NDUFB5: variants seen among roughly 807,000 people sequenced by gnomAD.
NDUFB5 encodes NADH dehydrogenase [ubiquinone] 1 beta subcomplex subunit 5, mitochondrial.
NDUFB5 carries 19 observed loss-of-function variants against 19.4 expected under a neutral mutation model. The ratio of observed to expected loss-of-function variants is 0.98; its 90% CI spans 0.68 to 1.43. The LOEUF is 1.43. NDUFB5 is among the 40% of genes most tolerant of loss of function. The pLI is 0.00. For missense variants in NDUFB5, 233 were observed against 236.5 expected (o/e 0.99, Z 0.10); for synonymous variants, 80 against 82.6 (o/e 0.97, Z 0.17).
chr3:179,612,219 C>T (rs1005831870), intron 1 of NDUFB5, among the ~76,000 whole-genome samples: 7 of 150,906 alleles, frequency 4.6e-5, no homozygotes, highest in Admixed American at 2.0e-4. Context: ...TGTGGTGGTG[C>T]GTGATGTAAT....
chr3:179,611,917 C>G (rs1719252115), intron 1 of NDUFB5, among the ~76,000 whole-genome samples: 1 of 151,920 alleles, frequency 6.6e-6, no homozygotes, highest in Non-Finnish European at 1.5e-5. Flanking sequence ...TTTTTGGTGT[C>G]AGGAGGTTCA....
rs1402479997 is a variant in NDUFB5, at chr3:179,624,076, T to C, written c.*36T>C. On this transcript the variant is annotated 3_prime_UTR_variant, in exon 6 of 6. Transcript: ENST00000259037. Reference sequence around the variant, plus strand: ...CTCCAAATACAAAGTATATTCTCTTTATTGGAAAATAAATTAATAAATATA... The same window carrying C: ...CTCCAAATACAAAGTATATTCTCTTCATTGGAAAATAAATTAATAAATATA... The C allele has an allele frequency of 2.6e-6, 4 of 1,549,936 alleles. No individual in the cohort carries two copies. Among genetic ancestry groups the C allele is most frequent in the East Asian group, 2.3e-5 (1 of 43,940 alleles).
intron 1 of NDUFB5, among the ~76,000 whole-genome samples, chr3:179,605,812 G>C (rs1457336904): frequency 7.4e-6 from 1 of 135,844 alleles, no homozygotes; most frequent in Non-Finnish European, 1.6e-5. Context: ...TTTTTCTTTT[G>C]AGACAGTCTC....
rs1719368314 is a variant in NDUFB5 at position 179,616,046 on chromosome 3, A to C, written c.277A>C (p.Ile93Leu). The change falls in exon 3 of 6, where the codon ATT becomes CTT. Residue 93 changes from isoleucine to leucine, a missense_variant. Coordinates refer to ENST00000259037, the MANE Select transcript of NDUFB5 (RefSeq NM_002492.4). ...AIFITLVNVF[I>L]GQAELAEIPE... is the part of the protein sequence containing the mutation. ...TTTCATAACTCTGGTGAATGTATTC[A>C]TTGGTAAGTCACTTCCATCCCCTGC... 1 of 1,613,180 alleles carries C rather than the reference A, an allele frequency of 6.2e-7. No homozygotes were observed. Among genetic ancestry groups the C allele is most frequent in the East Asian group, 2.2e-5 (1 of 44,850 alleles).
intron 1 of NDUFB5, among the ~76,000 whole-genome samples, chr3:179,612,100 C>T (rs910358562): frequency 1.3e-5 from 2 of 151,938 alleles, no homozygotes; most frequent in African/African-American, 2.4e-5. Flanking sequence ...CAAGCATGCA[C>T]CACCATTCCT....
intron 1 of NDUFB5, among the ~76,000 whole-genome samples, chr3:179,608,214 G>A (rs529367102): frequency 5.9e-4 from 89 of 151,676 alleles, no homozygotes; most frequent in Admixed American, 1.0e-3. Flanking sequence ...TTTTGAAACA[G>A]AGTCTCACTC....
chr3:179,623,942 A>G lies in NDUFB5; in HGVS notation c.472A>G (p.Lys158Glu). 6.2e-7 allele frequency: 1 copy of G among 1,614,040 alleles called. No homozygotes were observed. The highest frequency in any genetic ancestry group is 1.1e-5 in the South Asian group (1 of 91,068). ...ELRVKELEVR[K>E]LMHVRGDGPW... ...CAGGGTAAAGGAGCTGGAAGTGCGA[A>G]AATTGATGCATGTGAGAGGAGATGG... Residue 158 changes from lysine to glutamate, a missense_variant, in exon 6 of 6, where the codon AAA (lysine) becomes GAA (glutamate). Transcript: ENST00000259037.
At chr3:179,608,967 G>T (rs755015726) in intron 1 of NDUFB5, among the ~76,000 whole-genome samples, 1 of 152,156 alleles carries the variant, frequency 6.6e-6, no homozygotes, top group Non-Finnish European at 1.5e-5. Flanking sequence ...CCACTACACC[G>T]AAGCACTTGC....
intron 1 of NDUFB5, chr3:179,607,634 G>A (rs1166626191): frequency 9.5e-6 from 6 of 634,134 alleles, no homozygotes; most frequent in African/African-American, 1.8e-5. Flanking sequence ...CCGTTCAGTG[G>A]TATTAAATAC....
chr3:179,615,320 G>A (rs1234516582), intron 2 of NDUFB5: 12 of 276,422 alleles, frequency 4.3e-5, no homozygotes, highest in South Asian at 2.3e-4. Context: ...AGATTATGGC[G>A]TTTCGAAATA....
At chr3:179,605,119 T>A (rs1200225993) in intron 1 of NDUFB5, among the ~76,000 whole-genome samples, 180 bp downstream of exon 1, 1 of 150,726 alleles carries the variant, frequency 6.6e-6, no homozygotes, top group East Asian at 2.0e-4. Context: ...GCCAGATAGA[T>A]CGTGTTTACA....
chr3:179,610,732 G>A (rs975833053), intron 1 of NDUFB5, among the ~76,000 whole-genome samples: 1 of 152,074 alleles, frequency 6.6e-6, no homozygotes, highest in Admixed American at 6.5e-5. Context: ...AAGCTATTCT[G>A]TTTAATTAAA....
chr3:179,609,082 G>T (rs1431414375), intron 1 of NDUFB5, among the ~76,000 whole-genome samples: 1 of 152,210 alleles, frequency 6.6e-6, no homozygotes, highest in Non-Finnish European at 1.5e-5. Flanking sequence ...AGGACCTGCT[G>T]TATGTGGTTT....
intron 1 of NDUFB5, chr3:179,607,891 A>G (rs1248341872): frequency 3.0e-6 from 2 of 675,740 alleles, no homozygotes; most frequent in African/African-American, 3.6e-5. Context: ...CATATGTCAG[A>G]ATTTCCTTCC....
At chr3:179,606,114 T>C (rs561701927) in intron 1 of NDUFB5, among the ~76,000 whole-genome samples, 1 of 152,284 alleles carries the variant, frequency 6.6e-6, no homozygotes, top group Admixed American at 6.5e-5. Context: ...ATAGGGCTAT[T>C]TGGACCTCCT....
intron 5 of NDUFB5, among the ~76,000 whole-genome samples, chr3:179,618,986 A>C (rs1719455380): frequency 6.6e-6 from 1 of 152,006 alleles, no homozygotes; most frequent in African/African-American, 2.4e-5. Context: ...TTTTTTTTAG[A>C]GTGGAAGTCT....
chr3:179,616,281 G>A (rs951762386), intron 3 of NDUFB5, among the ~76,000 whole-genome samples: 7 of 152,096 alleles, frequency 4.6e-5, no homozygotes. Context: ...AGTGGCTCAC[G>A]CCTGTAATCC....
At chr3:179,609,682 A>G (rs544829186) in intron 1 of NDUFB5, among the ~76,000 whole-genome samples, 1 of 152,316 alleles carries the variant, frequency 6.6e-6, no homozygotes, top group Non-Finnish European at 1.5e-5. Flanking sequence ...GCTATTTTCC[A>G]TAGCAACAAT....
intron 5 of NDUFB5, among the ~76,000 whole-genome samples, chr3:179,619,422 T>C (rs1323129399): frequency 6.6e-6 from 1 of 150,790 alleles, no homozygotes; most frequent in East Asian, 2.0e-4. Context: ...CATTGTTCAA[T>C]TCCCACCTAT....
Sources: gnomAD v4.1 joint callset for allele counts (sites outside exome capture counted in the v4.1 genomes callset) on GRCh38, gnomAD v4.1.1 for gene constraint, MANE v1.5 for transcripts, NCBI Gene and HGNC (gene_info 2026-07-23, HGNC 2026-07-21) for gene names.